Variants in CDK14 observed in about 807,000 individuals in gnomAD.
CDK14 encodes the protein cyclin-dependent kinase 14.
Under a neutral mutation model 60.7 loss-of-function variants are expected in CDK14, and 34 were observed. The ratio of observed to expected loss-of-function variants is 0.56; its 90% CI spans 0.43 to 0.75. CDK14 has a LOEUF of 0.75. CDK14 is among the 30% of genes least tolerant of loss of function. CDK14 has a pLI of 0.00. For missense variants in CDK14, 482 were observed against 564.1 expected (o/e 0.85, Z 1.47); for synonymous variants, 197 against 203.7 (o/e 0.97, Z 0.28).
intron 14 of CDK14, among the ~76,000 whole-genome samples, chr7:91,195,970 T>C (rs777200453): frequency 1.1e-4 from 16 of 152,214 alleles, no homozygotes; most frequent in Non-Finnish European, 1.9e-4. Context: ...CAGTCTGTGT[T>C]TCCCAGAGTC....
chr7:90,615,823 A>G (rs939025005), intron 2 of CDK14, among the ~76,000 whole-genome samples: 1 of 152,180 alleles, frequency 6.6e-6, no homozygotes, highest in Non-Finnish European at 1.5e-5. Context: ...AGAGTTTTCA[A>G]AGTGCTCTGT....
intron 14 of CDK14, among the ~76,000 whole-genome samples, chr7:91,193,590 A>T (rs1802442416): frequency 6.6e-6 from 1 of 152,190 alleles, no homozygotes; most frequent in Non-Finnish European, 1.5e-5. Context: ...AAGGAAGTGA[A>T]TGGAAGTTGG....
intron 14 of CDK14, among the ~76,000 whole-genome samples, chr7:91,134,902 A>G (rs1024805355): frequency 4.6e-5 from 7 of 152,044 alleles, no homozygotes; most frequent in Admixed American, 2.6e-4. Flanking sequence ...TAATTTATAG[A>G]ATTTTTTGTT....
chr7:90,754,495 A>G (rs1005873515), intron 4 of CDK14, among the ~76,000 whole-genome samples: 14 of 152,340 alleles, frequency 9.2e-5, no homozygotes, highest in Non-Finnish European at 1.2e-4. Flanking sequence ...TGGATTGAAG[A>G]TTTAAACGTA....
intron 2 of CDK14, among the ~76,000 whole-genome samples, chr7:90,674,759 C>G (rs571200079): frequency 6.6e-6 from 1 of 152,276 alleles, no homozygotes; most frequent in Non-Finnish European, 1.5e-5. Flanking sequence ...CTTGCCTCCC[C>G]CTGCAAACTG....
At chr7:90,694,169 T>C (rs1193258659) in intron 2 of CDK14, among the ~76,000 whole-genome samples, 2 of 152,170 alleles carry the variant, frequency 1.3e-5, no homozygotes, top group Non-Finnish European at 2.9e-5. Context: ...AGGTGTTCAT[T>C]ATATGATTTT....
chr7:90,868,941 A>G (rs900099316), intron 6 of CDK14, among the ~76,000 whole-genome samples: 1 of 152,214 alleles, frequency 6.6e-6, no homozygotes, highest in African/African-American at 2.4e-5. Flanking sequence ...TTACCTTCCT[A>G]GAGTTTTATA....
At chr7:90,720,831 A>G (rs898287664) in intron 2 of CDK14, among the ~76,000 whole-genome samples, 1 of 152,124 alleles carries the variant, frequency 6.6e-6, no homozygotes, top group African/African-American at 2.4e-5. Context: ...CAGGACCACA[A>G]GTAAAAGAAT....
At chr7:91,091,623 C>G (rs975297766) in intron 12 of CDK14, among the ~76,000 whole-genome samples, 1 of 147,386 alleles carries the variant, frequency 6.8e-6, no homozygotes, top group Non-Finnish European at 1.5e-5. Context: ...GAGCCAAGAT[C>G]ATACCATTGC....
chr7:91,153,231 T>G (rs1223461891), intron 14 of CDK14, among the ~76,000 whole-genome samples: 1 of 152,146 alleles, frequency 6.6e-6, no homozygotes, highest in Non-Finnish European at 1.5e-5. Context: ...CAATAAGTAT[T>G]TATAATAACA....
intron 10 of CDK14, among the ~76,000 whole-genome samples, chr7:91,008,415 T>G (rs1391442218): frequency 6.6e-6 from 1 of 152,156 alleles, no homozygotes. Flanking sequence ...ATGTAAACTT[T>G]CTTAAATTCA....
At chr7:90,787,878 A>G (rs1805664517) in intron 4 of CDK14, among the ~76,000 whole-genome samples, 1 of 152,130 alleles carries the variant, frequency 6.6e-6, no homozygotes, top group Non-Finnish European at 1.5e-5. Flanking sequence ...ATTTTCAAAG[A>G]CCTTTTTCAC....
At chr7:90,782,329 G>A (rs1175696940) in intron 4 of CDK14, among the ~76,000 whole-genome samples, 4 of 151,930 alleles carry the variant, frequency 2.6e-5, no homozygotes, top group Non-Finnish European at 5.9e-5. Context: ...GAGACAATGG[G>A]GTTTTCTAGA....
intron 11 of CDK14, among the ~76,000 whole-genome samples, chr7:91,051,199 AAG>A (rs1398233958): frequency 6.6e-6 from 1 of 152,144 alleles, no homozygotes; most frequent in East Asian, 1.9e-4. Context: ...TATCCTGGAG[AAG>A]ACACTGAGTT....
chr7:90,851,235 C>A (rs1304814533), intron 5 of CDK14, among the ~76,000 whole-genome samples: 2 of 152,070 alleles, frequency 1.3e-5, no homozygotes, highest in Non-Finnish European at 2.9e-5. Context: ...TTGAAGGTGA[C>A]CCTGAGTTTT....
At chr7:91,162,525 G>T (rs1801200073) in intron 14 of CDK14, among the ~76,000 whole-genome samples, 1 of 152,124 alleles carries the variant, frequency 6.6e-6, no homozygotes, top group Admixed American at 6.6e-5. Flanking sequence ...AGGGAGAGGA[G>T]CCAGGCCCCA....
At chr7:90,963,226 C>T (rs180723715) in intron 9 of CDK14, among the ~76,000 whole-genome samples, 3 of 151,316 alleles carry the variant, frequency 2.0e-5, no homozygotes, top group Non-Finnish European at 4.4e-5. Context: ...GCGTTTGAGA[C>T]CAGCCTGGGC....
At chr7:90,668,058 G>A (rs987384786) in intron 2 of CDK14, among the ~76,000 whole-genome samples, 10 of 152,118 alleles carry the variant, frequency 6.6e-5, no homozygotes, top group East Asian at 1.9e-4. Context: ...TTGCTAGGTC[G>A]TATAGTAACT....
chr7:90,901,572 C>T (rs1792505855), intron 7 of CDK14, among the ~76,000 whole-genome samples: 1 of 151,962 alleles, frequency 6.6e-6, no homozygotes, highest in African/African-American at 2.4e-5. Context: ...ATGTCCTGGA[C>T]AGTCTCAGTG....
Sources: allele counts gnomAD v4.1 joint callset (sites outside exome capture counted in the v4.1 genomes callset), GRCh38; gene constraint gnomAD v4.1.1; transcripts MANE v1.5; gene names NCBI Gene and HGNC (gene_info 2026-07-23, HGNC 2026-07-21).